Variants in NSRP1 observed in about 807,000 individuals in gnomAD.
The protein encoded by NSRP1 is coiled-coil domain containing 55.
In NSRP1, 24 loss-of-function variants were observed where a neutral mutation model predicts 54.7. The observed-to-expected ratio is 0.44, with a 90% confidence interval of 0.32 to 0.62. NSRP1 has a LOEUF of 0.62. NSRP1 is among the 20% of genes least tolerant of loss of function. NSRP1 has a pLI of 0.06. For synonymous variants in NSRP1, 210 were observed against 213.8 expected (o/e 0.98, Z 0.15); for missense variants, 596 against 651.2 (o/e 0.92, Z 0.92).
intron 2 of NSRP1, among the ~76,000 whole-genome samples, chr17:30,123,096 T>TTTTTA (rs1195350539): frequency 3.6e-5 from 5 of 138,638 alleles, no homozygotes; most frequent in Non-Finnish European, 5.9e-5. Flanking sequence ...CATTTATCTC[T>TTTTTA]TTTTATTTTA....
Position 30,127,809 on chromosome 17 carries a change from A to G in NSRP1, c.114+9636A>G, listed in dbSNP as rs138893821. The stretch of plus-strand genomic sequence containing the variant: ...CTAAAATTTATTAACTTAGTTTTAC[A>G]TTTTATTTAATTTACATTACTTATT... On this transcript the variant is annotated intron_variant, in intron 2 of 6. Transcript: ENST00000247026. 9.6e-3 allele frequency: 3,720 copies of G among 389,430 alleles called. 26 individuals are homozygous for G. The highest frequency in any genetic ancestry group is 0.014 in the Non-Finnish European group (2,980 of 220,282). 24.1% of individuals were successfully genotyped at this position (389,430 alleles called of 1,614,324 possible). A position where few individuals can be genotyped will look rare whatever the true frequency, so the allele number is the denominator to read the frequency against.
Position 30,184,819 on chromosome 17 carries a change from G to A in NSRP1, c.822G>A (p.Glu274=), listed in dbSNP as rs1190168934. ...ACTGCAGAAGGGAAAAGGTCATAGA[G>A]ACCCCTGAGAATGACTTCAAGCACC... is the stretch of plus-strand genomic sequence containing the variant. ...RVNCRREKVI[E]TPENDFKHHR... is the part of the protein sequence containing the mutation. Residue 274 remains glutamate (E), a synonymous_variant, in exon 7 of 7, where the codon GAG becomes GAA. Transcript: ENST00000247026. 1.2e-6 allele frequency: 2 copies of A among 1,614,036 alleles called. No individual in the cohort carries two copies. Among genetic ancestry groups the A allele is most frequent in the African/African-American group, 1.3e-5 (1 of 75,030 alleles).
At chr17:30,165,441 A>G (rs1290945400) in intron 2 of NSRP1, among the ~76,000 whole-genome samples, 1 of 152,242 alleles carries the variant, frequency 6.6e-6, no homozygotes, top group Non-Finnish European at 1.5e-5. Context: ...TAAAGGGTAC[A>G]CAGTACTTAA....
intron 2 of NSRP1, among the ~76,000 whole-genome samples, chr17:30,140,410 C>T (rs2071792948): frequency 2.0e-5 from 3 of 151,650 alleles, no homozygotes; most frequent in South Asian, 2.1e-4. Flanking sequence ...TATTTGTGAA[C>T]CTCTGTTTTA....
At chr17:30,151,774 CTTTTTTTT>C (rs780507533) in intron 2 of NSRP1, among the ~76,000 whole-genome samples, 3 of 48,906 alleles carry the variant, frequency 6.1e-5, no homozygotes, top group African/African-American at 8.3e-5. Flanking sequence ...TTGTCACTTT[CTTTTTTTT>C]TTTTTTTTTT....
At chr17:30,151,470 T>C (rs931593494) in intron 2 of NSRP1, among the ~76,000 whole-genome samples, 9 of 152,316 alleles carry the variant, frequency 5.9e-5, no homozygotes, top group Admixed American at 4.6e-4. Flanking sequence ...GAAAATGTTA[T>C]TAGGAAAATC....
intron 1 of NSRP1, 130 bp from the exon 2 acceptor site, chr17:30,117,950 A>T: frequency 1.5e-6 from 1 of 666,664 alleles, no homozygotes; most frequent in South Asian, 2.1e-5. Context: ...AAGCAAAAAC[A>T]GTCTGTTACG....
intron 6 of NSRP1, among the ~76,000 whole-genome samples, chr17:30,183,130 T>G (rs976617187): frequency 2.0e-5 from 3 of 151,986 alleles, no homozygotes; most frequent in African/African-American, 7.3e-5. Context: ...GATTAGAGGA[T>G]TTTTGAATAA....
chr17:30,173,631 G>T (rs542007768), intron 3 of NSRP1, among the ~76,000 whole-genome samples: 162 of 152,264 alleles, frequency 1.1e-3, no homozygotes, highest in African/African-American at 3.5e-3. Flanking sequence ...CACTTTCTAT[G>T]TGCCAGGCAT....
intron 2 of NSRP1, among the ~76,000 whole-genome samples, chr17:30,153,169 A>G (rs907306832): frequency 1.3e-5 from 2 of 151,946 alleles, no homozygotes; most frequent in African/African-American, 4.8e-5. Flanking sequence ...TGCCTGCCTC[A>G]GCTTCCCAAA....
intron 2 of NSRP1, among the ~76,000 whole-genome samples, chr17:30,148,688 G>A (rs1340689705): frequency 1.3e-5 from 2 of 152,222 alleles, no homozygotes; most frequent in Non-Finnish European, 2.9e-5. Context: ...GAAGGCAGAG[G>A]ACTATTGCTT....
chr17:30,175,793 T>A (rs1039892849), intron 3 of NSRP1, among the ~76,000 whole-genome samples: 15 of 152,184 alleles, frequency 9.9e-5, no homozygotes, highest in African/African-American at 3.4e-4. Flanking sequence ...TGGTCCAGTA[T>A]ATAGTCAGTT....
At chr17:30,123,724 AT>A (rs890022460) in intron 2 of NSRP1, among the ~76,000 whole-genome samples, 45 of 147,714 alleles carry the variant, frequency 3.0e-4, no homozygotes, top group Admixed American at 7.4e-4. Flanking sequence ...ACATTTTGAA[AT>A]TTTTTTTTTT....
At chr17:30,145,443 C>T (rs911658828) in intron 2 of NSRP1, among the ~76,000 whole-genome samples, 7 of 152,206 alleles carry the variant, frequency 4.6e-5, no homozygotes, top group East Asian at 1.9e-4. Flanking sequence ...ATTAGCTGGA[C>T]GTGGTGGCGT....
intron 3 of NSRP1, 77 bp from the exon 4 acceptor site, chr17:30,177,994 C>G (rs1463774234): frequency 7.0e-7 from 1 of 1,426,682 alleles, no homozygotes; most frequent in African/African-American, 1.4e-5. Flanking sequence ...ATTTATGAAC[C>G]ATTCTCAAAA....
At chr17:30,145,526 C>T (rs934840109) in intron 2 of NSRP1, among the ~76,000 whole-genome samples, 7 of 152,080 alleles carry the variant, frequency 4.6e-5, no homozygotes, top group Admixed American at 1.3e-4. Context: ...GAGGTTGCAG[C>T]GAGCCGAGAT....
intron 2 of NSRP1, among the ~76,000 whole-genome samples, chr17:30,135,367 T>C (rs2071740210): frequency 6.6e-6 from 1 of 151,946 alleles, no homozygotes; most frequent in African/African-American, 2.4e-5. Flanking sequence ...TCAAGTGATC[T>C]GCCCACTTCG....
intron 2 of NSRP1, 110 bp from the exon 3 acceptor site, chr17:30,172,432 T>G (rs1904984809): frequency 2.8e-6 from 2 of 702,718 alleles, no homozygotes; most frequent in African/African-American, 3.6e-5. Flanking sequence ...ATTTTAAAAA[T>G]CTGAAATACA....
At chr17:30,157,602 G>C (rs1396635570) in intron 2 of NSRP1, among the ~76,000 whole-genome samples, 1 of 152,074 alleles carries the variant, frequency 6.6e-6, no homozygotes, top group African/African-American at 2.4e-5. Context: ...TCCAGTGTTG[G>C]ATAGCAGACT....
Sources: allele counts gnomAD v4.1 joint callset (sites outside exome capture counted in the v4.1 genomes callset), GRCh38; gene constraint gnomAD v4.1.1; transcripts MANE v1.5; gene names NCBI Gene and HGNC (gene_info 2026-07-23, HGNC 2026-07-21).